CACNB2: variants seen among roughly 807,000 people sequenced by gnomAD.
The protein encoded by CACNB2 is calcium voltage-gated channel auxiliary subunit beta 2.
Under a neutral mutation model 73.3 loss-of-function variants are expected in CACNB2, and 42 were observed. The ratio of observed to expected loss-of-function variants is 0.57; its 90% CI spans 0.45 to 0.74. The LOEUF (loss-of-function observed/expected upper bound fraction) is 0.74. Among genes scored for constraint, CACNB2 ranks in the 30% least tolerant of loss-of-function variants. The pLI, the probability that CACNB2 is intolerant of heterozygous loss-of-function variation, is 0.00. For missense variants in CACNB2, 940 were observed against 853.0 expected, an observed-to-expected ratio of 1.10 and a Z score of -1.27; for synonymous variants, 348 against 310.3, an observed-to-expected ratio of 1.12 and a Z score of -1.28.
At chr10:18,344,546 A>G (rs1298012622) in intron 2 of CACNB2, among the ~76,000 whole-genome samples, 8 of 151,604 alleles carry the variant, frequency 5.3e-5, no homozygotes, top group Admixed American at 5.3e-4. Context: ...TTTTTTTTGT[A>G]TTTTTAGTAG....
intron 3 of CACNB2, among the ~76,000 whole-genome samples, chr10:18,420,366 T>A (rs1168867873): frequency 6.6e-6 from 1 of 151,970 alleles, no homozygotes; most frequent in Non-Finnish European, 1.5e-5. Context: ...TATGGAGATT[T>A]ATTATAAGAA....
intron 2 of CACNB2, among the ~76,000 whole-genome samples, chr10:18,294,899 G>A (rs1415288109): frequency 6.6e-6 from 1 of 152,230 alleles, no homozygotes; most frequent in Non-Finnish European, 1.5e-5. Context: ...ATTCTGACAT[G>A]TAGGAACTTC....
At position 18,539,593 on chromosome 10, in the gene CACNB2, CACA is replaced by C. The variant is rs777478383; in HGVS notation, c.1855_1857del (p.Asn619del). On this transcript the variant is annotated inframe_deletion, in exon 14 of 14. Coordinates refer to ENST00000324631, the MANE Select transcript of CACNB2 (RefSeq NM_201596.3). ...CCGGGACGTGGATCGAGAGCAGGAC[CACA>C]ACGAGTGCAACAAGCAGCGCAGCCG... is the stretch of plus-strand genomic sequence containing the variant. 8.1e-6 allele frequency: 13 copies of C among 1,613,616 alleles called. No individual in the cohort carries two copies. Among genetic ancestry groups the C allele is most frequent in the East Asian group, 2.2e-5 (1 of 44,830 alleles).
chr10:18,530,130 T>G (rs575093811), intron 10 of CACNB2, among the ~76,000 whole-genome samples: 3 of 152,204 alleles, frequency 2.0e-5, no homozygotes, highest in Non-Finnish European at 2.9e-5. Flanking sequence ...ACCAGGTCCC[T>G]CCTGTGACAC....
intron 2 of CACNB2, among the ~76,000 whole-genome samples, chr10:18,363,179 T>C (rs964062029): frequency 2.0e-5 from 3 of 152,180 alleles, no homozygotes; most frequent in Non-Finnish European, 4.4e-5. Flanking sequence ...TAAATAAAGA[T>C]TTTGACATCC....
intron 2 of CACNB2, among the ~76,000 whole-genome samples, chr10:18,172,733 G>A (rs530384781): frequency 2.0e-5 from 3 of 152,084 alleles, no homozygotes; most frequent in South Asian, 4.2e-4. Flanking sequence ...TGTAGCTAAT[G>A]GACAAGTATA....
chr10:18,489,980 C>T (rs553971007), intron 3 of CACNB2, among the ~76,000 whole-genome samples: 26 of 152,198 alleles, frequency 1.7e-4, no homozygotes, highest in South Asian at 6.2e-4. Context: ...TGGGCTCAAG[C>T]GATCCTCCCA....
chr10:18,238,994 A>G (rs972144060), intron 2 of CACNB2, among the ~76,000 whole-genome samples: 2 of 152,124 alleles, frequency 1.3e-5, no homozygotes, highest in African/African-American at 4.8e-5. Context: ...TTAAGATTTG[A>G]TGGCAGCTGG....
chr10:18,430,981 A>AT (rs2045862565), intron 3 of CACNB2, among the ~76,000 whole-genome samples: 1 of 151,994 alleles, frequency 6.6e-6, no homozygotes, highest in South Asian at 2.1e-4. Context: ...GATTTTATAT[A>AT]TTTTTTTAAA....
intron 2 of CACNB2, among the ~76,000 whole-genome samples, chr10:18,390,608 C>T (rs1318365829): frequency 6.6e-6 from 1 of 152,044 alleles, no homozygotes; most frequent in Admixed American, 6.6e-5. Flanking sequence ...TTATATTACC[C>T]AACATTGCTT....
intron 2 of CACNB2, among the ~76,000 whole-genome samples, chr10:18,284,326 C>T (rs1390427413): frequency 6.6e-6 from 1 of 152,124 alleles, no homozygotes; most frequent in African/African-American, 2.4e-5. Context: ...TTACCTCCTA[C>T]CAGGTCCCTC....
chr10:18,258,551 C>T (rs1454322345), intron 2 of CACNB2, among the ~76,000 whole-genome samples: 1 of 151,992 alleles, frequency 6.6e-6, no homozygotes, highest in Non-Finnish European at 1.5e-5. Context: ...CGTGGTGAAA[C>T]CCCATCTCTA....
chr10:18,355,864 C>T (rs1037143239), intron 2 of CACNB2, among the ~76,000 whole-genome samples: 3 of 152,058 alleles, frequency 2.0e-5, no homozygotes, highest in Admixed American at 1.3e-4. Context: ...TCTTGAACTC[C>T]TGGCCTCATG....
intron 3 of CACNB2, among the ~76,000 whole-genome samples, chr10:18,434,264 TAGTC>T: frequency 6.6e-6 from 1 of 152,328 alleles, no homozygotes; most frequent in South Asian, 2.1e-4. Context: ...ATTCATGATT[TAGTC>T]AGGAAGACAG....
intron 2 of CACNB2, among the ~76,000 whole-genome samples, chr10:18,305,954 C>T (rs558446036): frequency 2.0e-5 from 3 of 152,058 alleles, no homozygotes; most frequent in Admixed American, 6.6e-5. Context: ...GACAGCAGAC[C>T]GAGACCCCAT....
chr10:18,198,786 A>G (rs1013502536), intron 2 of CACNB2, among the ~76,000 whole-genome samples: 3 of 152,158 alleles, frequency 2.0e-5, no homozygotes, highest in African/African-American at 7.2e-5. Context: ...GTATGTGTCA[A>G]AGTTCTAAGC....
chr10:18,480,787 C>A (rs1329441756), intron 3 of CACNB2, among the ~76,000 whole-genome samples: 2 of 152,196 alleles, frequency 1.3e-5, no homozygotes, highest in African/African-American at 4.8e-5. Flanking sequence ...ATTAGCACAT[C>A]TCCCTGGAGG....
intron 2 of CACNB2, among the ~76,000 whole-genome samples, chr10:18,373,212 G>A (rs902836475): frequency 2.6e-5 from 4 of 152,142 alleles, no homozygotes; most frequent in Non-Finnish European, 5.9e-5. Flanking sequence ...ATCTGTGTTA[G>A]AGGCAGAAAC....
At chr10:18,332,621 G>C (rs2040848398) in intron 2 of CACNB2, among the ~76,000 whole-genome samples, 1 of 152,164 alleles carries the variant, frequency 6.6e-6, no homozygotes, top group South Asian at 2.1e-4. Context: ...TGGCAGGTCA[G>C]AGAAAGGCTG....
Sources: gnomAD v4.1 joint callset for allele counts (sites outside exome capture counted in the v4.1 genomes callset) on GRCh38, gnomAD v4.1.1 for gene constraint, MANE v1.5 for transcripts, NCBI Gene and HGNC (gene_info 2026-07-23, HGNC 2026-07-21) for gene names.